The following ITM2B variants were observed in gnomAD, a reference collection of about 807,000 sequenced individuals.
The protein encoded by ITM2B is ABri/ADan amyloid peptide.
ITM2B carries 11 observed loss-of-function variants against 27.8 expected under a neutral mutation model. That is an observed-to-expected ratio of 0.40 (90% CI 0.25 to 0.66). The LOEUF (loss-of-function observed/expected upper bound fraction) is 0.66. ITM2B is among the 30% of genes least tolerant of loss of function. The probability of loss-of-function intolerance (pLI) is 0.43; values close to 1 mark genes in which losing one functional copy is unlikely to be tolerated. For synonymous variants in ITM2B, 114 were observed against 114.3 expected, an observed-to-expected ratio of 1.00 and a Z score of 0.02; for missense variants, 296 against 328.9, an observed-to-expected ratio of 0.90 and a Z score of 0.77.
intron 1 of ITM2B, among the ~76,000 whole-genome samples, chr13:48,246,750 T>G (rs1951726365): frequency 6.6e-6 from 1 of 152,174 alleles, no homozygotes; most frequent in African/African-American, 2.4e-5. Flanking sequence ...ATTCAAAACC[T>G]ATATTTGGTC....
intron 1 of ITM2B, among the ~76,000 whole-genome samples, chr13:48,238,450 T>C (rs1006304011): frequency 2.6e-5 from 4 of 152,198 alleles, no homozygotes; most frequent in African/African-American, 7.2e-5. Context: ...ACAGAAAAGT[T>C]TGAATCTTGA....
intron 5 of ITM2B, among the ~76,000 whole-genome samples, chr13:48,259,150 A>G (rs567188633): frequency 1.3e-5 from 2 of 152,340 alleles, no homozygotes; most frequent in South Asian, 4.1e-4. Flanking sequence ...GAAAAGGTCA[A>G]TGTGAAATGT....
intron 2 of ITM2B, among the ~76,000 whole-genome samples, chr13:48,254,440 A>G (rs919414820): frequency 1.3e-5 from 2 of 152,254 alleles, no homozygotes; most frequent in Non-Finnish European, 2.9e-5. Context: ...TGATATTGAA[A>G]TAACATAGGA....
Position 48,233,447 on chromosome 13 carries a change from C to T in ITM2B, c.87C>T (p.Ile29=), listed in dbSNP as rs1161066603. Residue 29 remains isoleucine, a synonymous_variant, in exon 1 of 6, where the codon ATC becomes ATT. Transcript: ENST00000647800. The part of the protein sequence containing the change: ...EPKSGEEALI[I]PPDAVAVDCK... ...AGAGCGGCGAGGAGGCGCTCATCATCCCCCCCGACGCCGTCGCGGTGGACT... is the reference window on the plus strand; with the variant it reads ...AGAGCGGCGAGGAGGCGCTCATCATTCCCCCCGACGCCGTCGCGGTGGACT... 3.9e-6 allele frequency: 6 copies of T among 1,521,046 alleles called. No homozygotes were observed. In the East Asian group the frequency reaches 7.9e-5, roughly 20 times the overall value. The allele number at this position is 1,521,046 out of a possible 1,614,324, so 94.2% of individuals were successfully genotyped here.
intron 1 of ITM2B, among the ~76,000 whole-genome samples, chr13:48,249,087 A>G (rs552581180): frequency 6.6e-6 from 1 of 152,322 alleles, no homozygotes; most frequent in East Asian, 1.9e-4. Flanking sequence ...ATAAAGTCAT[A>G]TATCCACCCC....
intron 1 of ITM2B, among the ~76,000 whole-genome samples, chr13:48,242,409 C>CT (rs144306588): frequency 0.027 from 3,912 of 147,298 alleles, 166 homozygotes; most frequent in African/African-American, 0.089. Flanking sequence ...TTCTTTCTTT[C>CT]TTTTTTTTTT....
intron 1 of ITM2B, among the ~76,000 whole-genome samples, chr13:48,251,878 ATT>A (rs1951758030): frequency 6.6e-6 from 1 of 152,252 alleles, no homozygotes; most frequent in Admixed American, 6.5e-5. Flanking sequence ...ATACTTCGTC[ATT>A]AAAGTTTCAT....
At chr13:48,258,099 A>AG (rs1951800243) in intron 3 of ITM2B, 27 bp from the exon 4 acceptor site, 1 of 1,080,780 alleles carries the variant, frequency 9.3e-7, no homozygotes, top group East Asian at 2.4e-5. Flanking sequence ...GTATTACTGT[A>AG]ACTACACTGT....
Position 48,266,369 on chromosome 13 carries a change from C to G in ITM2B, c.*5145C>G, listed in dbSNP as rs1431587918. 2.6e-5 allele frequency: 4 copies of G among 152,232 alleles called. No individual in the cohort carries two copies. The highest frequency in any genetic ancestry group is 9.7e-5 in the African/African-American group (4 of 41,438). 9.4% of individuals were successfully genotyped at this position (152,232 alleles called of 1,614,324 possible). On this transcript the variant is annotated 3_prime_UTR_variant, in exon 6 of 6. Coordinates refer to ENST00000647800, the MANE Select transcript of ITM2B (RefSeq NM_021999.5). ...GAAAAGTTAACTCTTACTCATCTTT[C>G]AGATCTCAGACTAAAAGTTTCCTCA... is the stretch of plus-strand genomic sequence containing the variant.
chr13:48,236,350 A>G (rs923313240), intron 1 of ITM2B, among the ~76,000 whole-genome samples: 1 of 152,206 alleles, frequency 6.6e-6, no homozygotes, highest in Non-Finnish European at 1.5e-5. Flanking sequence ...TTATATTTGC[A>G]GATAACAAAA....
At position 48,253,831 on chromosome 13, in the gene ITM2B, T is replaced by C. The variant is rs1287262510; in HGVS notation, c.141T>C (p.Val47=). ...DCKDPDDVVP[V]GQRRAWCWCM... is the part of the protein sequence containing the mutation. ...AGGACCCAGATGATGTGGTACCAGT[T>C]GGCCAAAGAAGAGCCTGGTGTTGGT... The change falls in exon 2 of 6, where the codon GTT becomes GTC. Residue 47 remains valine, a synonymous_variant. Coordinates refer to ENST00000647800, the MANE Select transcript of ITM2B (RefSeq NM_021999.5). The C allele has an allele frequency of 6.2e-7, 1 of 1,613,844 alleles. No individual in the cohort carries two copies. Among genetic ancestry groups the C allele is most frequent in the Non-Finnish European group, 8.5e-7 (1 of 1,179,832 alleles).
At chr13:48,242,524 T>C (rs1951705470) in intron 1 of ITM2B, among the ~76,000 whole-genome samples, 2 of 152,154 alleles carry the variant, frequency 1.3e-5, no homozygotes, top group African/African-American at 4.8e-5. Flanking sequence ...CCTTTGTCTT[T>C]ATCACATGCT....
At chr13:48,247,354 A>G (rs1041139043) in intron 1 of ITM2B, among the ~76,000 whole-genome samples, 2 of 152,064 alleles carry the variant, frequency 1.3e-5, no homozygotes, top group African/African-American at 2.4e-5. Context: ...TTTTTTATGT[A>G]TATTTTTTGA....
intron 1 of ITM2B, among the ~76,000 whole-genome samples, chr13:48,235,384 G>A (rs1246448631): frequency 6.6e-6 from 1 of 152,028 alleles, no homozygotes; most frequent in Non-Finnish European, 1.5e-5. Flanking sequence ...AATACTACTG[G>A]GACTAAAGAG....
chr13:48,253,845 C>T lies in ITM2B; in HGVS notation c.155C>T (p.Ala52Val), dbSNP rs752792298. ...DDVVPVGQRR[A>V]WCWCMCFGLA... ...GTGGTACCAGTTGGCCAAAGAAGAG[C>T]CTGGTGTTGGTGCATGTGCTTTGGA... The change falls in exon 2 of 6, where the codon GCC becomes GTC. Residue 52 changes from alanine (A) to valine (V), a missense_variant. Coordinates refer to ENST00000647800, the MANE Select transcript of ITM2B (RefSeq NM_021999.5). 2 of 1,613,666 alleles carry T rather than the reference C, an allele frequency of 1.2e-6. No homozygotes were observed. Among genetic ancestry groups the T allele is most frequent in the Admixed American group, 3.3e-5 (2 of 60,008 alleles).
At chr13:48,242,000 T>G (rs902549539) in intron 1 of ITM2B, among the ~76,000 whole-genome samples, 1 of 152,132 alleles carries the variant, frequency 6.6e-6, no homozygotes, top group East Asian at 1.9e-4. Flanking sequence ...TTTCATGGTT[T>G]GTTTTCATTT....
At chr13:48,258,346 A>T (rs938074317) in intron 4 of ITM2B, 110 bp downstream of exon 4, 2 of 735,498 alleles carry the variant, frequency 2.7e-6, no homozygotes, top group Non-Finnish European at 5.0e-6. Context: ...GTAGTTAAGA[A>T]TTTTACAAAG....
rs1045005685 is a variant in ITM2B, at chr13:48,261,940, A to G, written c.*716A>G. On this transcript the variant is annotated 3_prime_UTR_variant, in exon 6 of 6. Transcript: ENST00000647800. ...GTTTGGTTCTTCAAATCTTAAGAGA[A>G]TCCACATAAAAGAAGAAACTATTTT... 6.6e-6 allele frequency: 1 copy of G among 152,550 alleles called. No homozygotes were observed. Among genetic ancestry groups the G allele is most frequent in the African/African-American group, 2.4e-5 (1 of 41,440 alleles). The allele number at this position is 152,550 out of a possible 1,614,324, so 9.4% of individuals were successfully genotyped here.
chr13:48,256,166 A>T lies in ITM2B; in HGVS notation c.247-11A>T, dbSNP rs199641696. 3 of 1,600,052 alleles carry T rather than the reference A, an allele frequency of 1.9e-6. No homozygotes were observed. The African/African-American group carries it at 4.0e-5, about 21-fold the overall frequency. On this transcript the variant is annotated splice_polypyrimidine_tract_variant and intron_variant, in intron 2 of 5. Transcript: ENST00000647800. ...CTGAATTGCTGAAATGAGTCTTTAA[A>T]CTCTCTATAGCCAGATGACGTGTAC...
Sources: allele counts gnomAD v4.1 joint callset (sites outside exome capture counted in the v4.1 genomes callset), GRCh38; gene constraint gnomAD v4.1.1; transcripts MANE v1.5; gene names NCBI Gene and HGNC (gene_info 2026-07-23, HGNC 2026-07-21).